The following CTDSPL variants were observed in gnomAD, a reference collection of about 807,000 sequenced individuals.
CTDSPL encodes CTD small phosphatase-like protein.
CTDSPL carries 8 observed loss-of-function variants against 30.5 expected under a neutral mutation model. The ratio of observed to expected loss-of-function variants is 0.26; its 90% CI spans 0.15 to 0.47. The LOEUF is 0.47. Ranked by LOEUF, CTDSPL falls within the 20% of genes least tolerant of loss-of-function variation. The probability of loss-of-function intolerance (pLI) is 0.99; values close to 1 mark genes in which losing one functional copy is unlikely to be tolerated. For missense variants in CTDSPL, 248 were observed against 366.1 expected, an observed-to-expected ratio of 0.68 and a Z score of 2.63; for synonymous variants, 110 against 137.9, an observed-to-expected ratio of 0.80 and a Z score of 1.42.
chr3:37,960,480 C>CAAA lies in CTDSPL; in HGVS notation c.267+3361_267+3363dup, dbSNP rs1208033395. Reference sequence around the variant, plus strand: ...GGGCAACAAGAGCAAAACTCTGTCTCAAAAAAAAAAAAAAAAAAAAAAAAA... The same window carrying CAAA: ...GGGCAACAAGAGCAAAACTCTGTCTCAAAAAAAAAAAAAAAAAAAAAAAAAAAA... On this transcript the variant is annotated intron_variant, in intron 3 of 7. Transcript: ENST00000273179. 3.1e-3 allele frequency among the ~76,000 whole-genome samples: 15 copies of CAAA among 4,914 alleles called. 3 individuals carry two copies. Among genetic ancestry groups the CAAA allele is most frequent in the South Asian group, 0.011 (1 of 92 alleles). 3.2% of individuals were successfully genotyped at this position (4,914 alleles called of 152,430 possible).
chr3:37,919,986 A>G (rs555781804), intron 1 of CTDSPL, among the ~76,000 whole-genome samples: 2 of 152,136 alleles, frequency 1.3e-5, no homozygotes, highest in South Asian at 4.1e-4. Flanking sequence ...GGGGGCTTGT[A>G]TTTGCTTCCT....
intron 1 of CTDSPL, among the ~76,000 whole-genome samples, chr3:37,921,549 C>T (rs984072854): frequency 6.6e-6 from 1 of 151,814 alleles, no homozygotes; most frequent in South Asian, 2.1e-4. Context: ...CTGTTTTTTT[C>T]TCCCAGTACC....
chr3:37,881,124 G>A (rs965894125), intron 1 of CTDSPL, among the ~76,000 whole-genome samples: 1 of 151,966 alleles, frequency 6.6e-6, no homozygotes, highest in African/African-American at 2.4e-5. Context: ...ATTAAACCTG[G>A]TGCTCATTTT....
chr3:37,904,457 G>A (rs1698489457), intron 1 of CTDSPL, among the ~76,000 whole-genome samples: 1 of 152,152 alleles, frequency 6.6e-6, no homozygotes, highest in Admixed American at 6.5e-5. Flanking sequence ...CTGTACAAGG[G>A]AGAACTGGCT....
At chr3:37,926,035 A>C (rs1310406270) in intron 1 of CTDSPL, among the ~76,000 whole-genome samples, 1 of 152,250 alleles carries the variant, frequency 6.6e-6, no homozygotes, top group African/African-American at 2.4e-5. Context: ...ACAGTAGCTG[A>C]CATATAGTAA....
intron 1 of CTDSPL, among the ~76,000 whole-genome samples, chr3:37,903,450 G>A (rs937776140): frequency 1.3e-5 from 2 of 152,196 alleles, no homozygotes; most frequent in South Asian, 4.1e-4. Context: ...GCTGGGGCAG[G>A]GGGTGGGAGA....
chr3:37,908,341 A>G (rs139379639), intron 1 of CTDSPL, among the ~76,000 whole-genome samples: 17 of 152,374 alleles, frequency 1.1e-4, no homozygotes, highest in Admixed American at 2.6e-4. Context: ...GCCTGTAAGA[A>G]GAGACTGCAT....
At chr3:37,947,474 C>G (rs1207525251) in intron 2 of CTDSPL, among the ~76,000 whole-genome samples, 2 of 152,004 alleles carry the variant, frequency 1.3e-5, no homozygotes, top group Non-Finnish European at 2.9e-5. Flanking sequence ...GCAGGAGAAT[C>G]GCTTGAACCT....
At chr3:37,971,887 A>T (rs1257055009) in intron 6 of CTDSPL, among the ~76,000 whole-genome samples, 2 of 152,216 alleles carry the variant, frequency 1.3e-5, no homozygotes, top group African/African-American at 4.8e-5. Flanking sequence ...GATTTGAGGG[A>T]GAAGCAAGTG....
rs371893613 is a variant in CTDSPL, at chr3:37,975,698, G to A, written c.520-11G>A. The A allele has an allele frequency of 1.4e-4, 219 of 1,595,984 alleles. 1 individual carries two copies. The highest frequency in any genetic ancestry group is 1.6e-4 in the Non-Finnish European group (190 of 1,167,430). The stretch of plus-strand genomic sequence containing the variant: ...AAACACCCAGCCTTCATTGTGACAC[G>A]TCTTTTCCAGTATGCAGACCCTGTG... On this transcript the variant is annotated splice_polypyrimidine_tract_variant and intron_variant, in intron 6 of 7. Coordinates refer to ENST00000273179, the MANE Select transcript of CTDSPL (RefSeq NM_001008392.2). This position sits in a 1 kb window ranked among gnomAD's most constrained non-coding sequence, Gnocchi z 4.9.
At chr3:37,904,660 T>C (rs1698491734) in intron 1 of CTDSPL, among the ~76,000 whole-genome samples, 1 of 152,192 alleles carries the variant, frequency 6.6e-6, no homozygotes, top group African/African-American at 2.4e-5. Context: ...CCTGTGGCTC[T>C]CTGCTCAGCC....
chr3:37,876,979 G>A (rs557808878), intron 1 of CTDSPL, among the ~76,000 whole-genome samples: 2 of 151,724 alleles, frequency 1.3e-5, no homozygotes, highest in South Asian at 2.1e-4. Context: ...GGTGGTGCAC[G>A]CCTGTAATCC....
At chr3:37,876,526 A>G (rs1017084004) in intron 1 of CTDSPL, among the ~76,000 whole-genome samples, 2 of 152,196 alleles carry the variant, frequency 1.3e-5, no homozygotes, top group Admixed American at 6.5e-5. Flanking sequence ...ATTTAGTGGT[A>G]TCTCATCATA....
chr3:37,971,532 C>T, intron 6 of CTDSPL, 33 bp downstream of exon 6: 4 of 1,584,736 alleles, frequency 2.5e-6, no homozygotes, highest in Non-Finnish European at 2.6e-6. Flanking sequence ...ACACTCCCAG[C>T]CTGGTACTCC....
chr3:37,862,144 C>G lies in CTDSPL; in HGVS notation c.-56C>G. On this transcript the variant is annotated 5_prime_UTR_variant, in exon 1 of 8. Coordinates refer to ENST00000273179, the MANE Select transcript of CTDSPL (RefSeq NM_001008392.2). This position sits in a 1 kb window ranked among gnomAD's most constrained non-coding sequence, Gnocchi z 4.3. ...CCCCGCGCCCCCCGCGCCGCGCCCC[C>G]GCGCGCTTGGCTTGCGGGGGGCCGG... is the stretch of plus-strand genomic sequence containing the variant. 6.5e-6 allele frequency: 6 copies of G among 928,428 alleles called. No homozygotes were observed. Among genetic ancestry groups the G allele is most frequent in the Non-Finnish European group, 7.7e-6 (6 of 781,418 alleles). The allele number at this position is 928,428 out of a possible 1,614,324, so 57.5% of individuals were successfully genotyped here. A position where few individuals can be genotyped will look rare whatever the true frequency, so the allele number is the denominator to read the frequency against.
intron 1 of CTDSPL, among the ~76,000 whole-genome samples, chr3:37,863,248 G>A (rs1323239460): frequency 6.6e-6 from 1 of 152,218 alleles, no homozygotes; most frequent in South Asian, 2.1e-4. Context: ...AGTGCCAGGA[G>A]TGTCCCCTCC....
chr3:37,927,579 T>C (rs1245064673), intron 1 of CTDSPL, among the ~76,000 whole-genome samples: 2 of 151,566 alleles, frequency 1.3e-5, no homozygotes, highest in Non-Finnish European at 2.9e-5. Context: ...CAGCAGTAAT[T>C]GTGGCTTCTC....
chr3:37,888,032 G>GT (rs1314627629), intron 1 of CTDSPL, among the ~76,000 whole-genome samples: 4 of 152,190 alleles, frequency 2.6e-5, no homozygotes, highest in Non-Finnish European at 5.9e-5. Context: ...GGGAGAGGGT[G>GT]TTCTGAAAAG....
intron 6 of CTDSPL, among the ~76,000 whole-genome samples, chr3:37,973,977 C>T (rs944801419): frequency 1.4e-4 from 21 of 152,338 alleles, no homozygotes; most frequent in South Asian, 4.1e-4. Context: ...ACCCACAGGG[C>T]GCGTGCAGCC....
Sources: allele counts gnomAD v4.1 joint callset (sites outside exome capture counted in the v4.1 genomes callset), GRCh38; gene constraint gnomAD v4.1.1; non-coding constraint Gnocchi (gnomAD v3.1); transcripts MANE v1.5; gene names NCBI Gene and HGNC (gene_info 2026-07-23, HGNC 2026-07-21).